DRC9: variants seen among roughly 807,000 people sequenced by gnomAD.
DRC9 encodes dynein regulatory complex subunit 9, also known as dynein regulatory complex protein 9.
chr3:197,919,848 T>C, the DRC9 span, among the ~76,000 whole-genome samples: 573 of 152,056 alleles, frequency 3.8e-3, 1 homozygote, highest in African/African-American at 0.013. Context: ...AAAAGGAAAA[T>C]GGTAATGTTG....
chr3:197,932,119 A>G, the DRC9 span: 42,168 of 1,550,680 alleles, frequency 0.027, 901 homozygotes, highest in African/African-American at 0.1. Flanking sequence ...TTCCAGTAAG[A>G]GTGTTTTAGC....
At chr3:197,920,683 A>T in the DRC9 span, among the ~76,000 whole-genome samples, 5 of 152,120 alleles carry the variant, frequency 3.3e-5, no homozygotes, top group African/African-American at 1.2e-4. Flanking sequence ...ATATATATAA[A>T]TTTTCAATTT....
At chr3:197,900,499 C>G in the DRC9 span, among the ~76,000 whole-genome samples, 13,759 of 139,724 alleles carry the variant, frequency 0.098, 673 homozygotes, top group African/African-American at 0.13. The surrounding 1 kb of genome is among the most constrained non-coding windows in gnomAD (Gnocchi z 4.7). Flanking sequence ...CAGAGGATAG[C>G]AGCTCAGCCA....
chr3:197,898,951 TAATGAA>T, the DRC9 span, among the ~76,000 whole-genome samples: 1 of 152,294 alleles, frequency 6.6e-6, no homozygotes. Context: ...TTTAAAAAGT[TAATGAA>T]AATGATTTCA....
the DRC9 span, among the ~76,000 whole-genome samples, chr3:197,922,386 T>C: frequency 6.6e-6 from 1 of 152,086 alleles, no homozygotes; most frequent in South Asian, 2.1e-4. Context: ...TGACATTGCT[T>C]TGGAGGGCTT....
chr3:197,891,784 AATG>A, the DRC9 span, among the ~76,000 whole-genome samples: 2 of 152,244 alleles, frequency 1.3e-5, no homozygotes, highest in African/African-American at 4.8e-5. Flanking sequence ...TTTTATAAAA[AATG>A]AAATATGAAT....
chr3:197,913,034 C>A, the DRC9 span: 1 of 359,192 alleles, frequency 2.8e-6, no homozygotes, highest in Non-Finnish European at 5.1e-6. Context: ...GGCTGTGGGG[C>A]TTAAAAAGGG....
chr3:197,935,396 G>A, the DRC9 span, among the ~76,000 whole-genome samples: 76 of 150,294 alleles, frequency 5.1e-4, no homozygotes, highest in African/African-American at 1.5e-3. Flanking sequence ...CCGGGATTGC[G>A]CCACTGCACT....
At chr3:197,904,073 T>TAC in the DRC9 span, among the ~76,000 whole-genome samples, 3 of 31,752 alleles carry the variant, frequency 9.4e-5, no homozygotes, top group East Asian at 2.1e-3. Context: ...TATACATACA[T>TAC]ATATATATAC....
At chr3:197,930,191 C>T in the DRC9 span, among the ~76,000 whole-genome samples, 2 of 151,430 alleles carry the variant, frequency 1.3e-5, no homozygotes, top group Non-Finnish European at 2.9e-5. Context: ...CCCATCTCTA[C>T]AAAAAAATAC....
the DRC9 span, among the ~76,000 whole-genome samples, chr3:197,903,817 T>C: frequency 2.6e-5 from 4 of 151,252 alleles, no homozygotes. Flanking sequence ...ATGTGAAAAA[T>C]GGGCCAAAAG....
At chr3:197,894,615 T>C in the DRC9 span, 2 of 152,198 alleles carry the variant, frequency 1.3e-5, no homozygotes, top group Admixed American at 6.5e-5. Flanking sequence ...CATATTTGTG[T>C]ACTTTCTAGA....
chr3:197,928,345 T>A, the DRC9 span, among the ~76,000 whole-genome samples: 17 of 151,450 alleles, frequency 1.1e-4, no homozygotes, highest in South Asian at 3.5e-3. Flanking sequence ...TTCCCTCTTT[T>A]TTTTTTTTTT....
At chr3:197,915,254 A>AAG in the DRC9 span, among the ~76,000 whole-genome samples, 454 of 150,582 alleles carry the variant, frequency 3.0e-3, 2 homozygotes, top group African/African-American at 0.01. Context: ...AAAAAAAAAA[A>AAG]GAATAAGTAT....
At chr3:197,943,725 G>A in the DRC9 span, 1 of 1,448,968 alleles carries the variant, frequency 6.9e-7, no homozygotes, top group Admixed American at 1.8e-5. Flanking sequence ...TACTATAAAT[G>A]AGGGAGAAAT....
chr3:197,942,727 G>A, the DRC9 span, among the ~76,000 whole-genome samples: 3 of 151,866 alleles, frequency 2.0e-5, no homozygotes, highest in African/African-American at 7.3e-5. Context: ...AGACCAGCCT[G>A]ACCAACATGG....
At chr3:197,913,345 CGTGT>C in the DRC9 span, 4,884 of 225,402 alleles carry the variant, frequency 0.022, 71 homozygotes, top group South Asian at 0.027. Context: ...TGCGTGCGTG[CGTGT>C]GTGCGTGCGT....
chr3:197,943,952 T>A, the DRC9 span: 3 of 1,614,196 alleles, frequency 1.9e-6, no homozygotes, highest in African/African-American at 1.3e-5. Context: ...CTTTAGGTAT[T>A]CCTTCTTCTT....
chr3:197,899,923 C>A, the DRC9 span, among the ~76,000 whole-genome samples: 2 of 152,226 alleles, frequency 1.3e-5, no homozygotes, highest in Non-Finnish European at 2.9e-5. Context: ...CACCCCCTGG[C>A]AGCAGCCACA....
Sources: allele counts gnomAD v4.1 joint callset (sites outside exome capture counted in the v4.1 genomes callset), GRCh38; gene constraint gnomAD v4.1.1; non-coding constraint Gnocchi (gnomAD v3.1); transcripts MANE v1.5; gene names NCBI Gene and HGNC (gene_info 2026-07-23, HGNC 2026-07-21).